ZNF804B: variants seen among roughly 807,000 people sequenced by gnomAD.
The protein encoded by ZNF804B is zinc finger protein 804B, also known as zinc finger 804B.
ZNF804B carries 80 observed loss-of-function variants against 101.4 expected under a neutral mutation model. The observed-to-expected ratio is 0.79, with a 90% CI of 0.66 to 0.95. The LOEUF is 0.95. ZNF804B is among the 40% of genes least tolerant of loss of function. The pLI is 0.00. For missense variants in ZNF804B, 1,673 were observed against 1,561.9 expected, an observed-to-expected ratio of 1.07 and a Z score of -1.20; for synonymous variants, 622 against 558.8, an observed-to-expected ratio of 1.11 and a Z score of -1.59.
intron 1 of ZNF804B, among the ~76,000 whole-genome samples, chr7:88,962,459 A>G (rs1793398977): frequency 6.6e-6 from 1 of 150,934 alleles, no homozygotes; most frequent in Admixed American, 6.6e-5. Context: ...GTATTGCTCC[A>G]TCTTAGGTCA....
chr7:89,160,015 G>T (rs2116418328), intron 1 of ZNF804B, among the ~76,000 whole-genome samples: 1 of 152,238 alleles, frequency 6.6e-6, no homozygotes, highest in South Asian at 2.1e-4. Context: ...ATGATGGAAT[G>T]ATGTTGCAGC....
chr7:88,886,332 A>G (rs1480669919), intron 1 of ZNF804B, among the ~76,000 whole-genome samples: 1 of 152,092 alleles, frequency 6.6e-6, no homozygotes, highest in Non-Finnish European at 1.5e-5. Context: ...GGAGAGGAGC[A>G]GAAAAGATAA....
chr7:89,177,744 T>C (rs1252640150), intron 1 of ZNF804B, among the ~76,000 whole-genome samples: 1 of 152,128 alleles, frequency 6.6e-6, no homozygotes, highest in African/African-American at 2.4e-5. Flanking sequence ...GTCTCTCTCT[T>C]TGGCTCTAAT....
At chr7:89,255,692 A>G (rs1302884257) in intron 2 of ZNF804B, among the ~76,000 whole-genome samples, 2 of 152,182 alleles carry the variant, frequency 1.3e-5, no homozygotes, top group Non-Finnish European at 2.9e-5. Flanking sequence ...ATTTTTTAAT[A>G]AAATCATAAA....
chr7:89,056,516 T>C (rs2116274468), intron 1 of ZNF804B, among the ~76,000 whole-genome samples: 1 of 152,272 alleles, frequency 6.6e-6, no homozygotes, highest in South Asian at 2.1e-4. Flanking sequence ...TAAAATTGAA[T>C]ACAGCAAAGA....
chr7:88,830,477 A>C (rs950247036), intron 1 of ZNF804B, among the ~76,000 whole-genome samples: 4 of 152,040 alleles, frequency 2.6e-5, no homozygotes, highest in African/African-American at 4.8e-5. Flanking sequence ...TCCTATATTC[A>C]TGCATTTTTA....
At chr7:89,034,330 G>A (rs1458179860) in intron 1 of ZNF804B, among the ~76,000 whole-genome samples, 1 of 151,920 alleles carries the variant, frequency 6.6e-6, no homozygotes, top group East Asian at 1.9e-4. Context: ...TTGTTACATA[G>A]GTATACATGT....
intron 1 of ZNF804B, among the ~76,000 whole-genome samples, chr7:88,863,697 T>G (rs1346273216): frequency 6.6e-6 from 1 of 152,214 alleles, no homozygotes; most frequent in Non-Finnish European, 1.5e-5. Flanking sequence ...AGTAAGGCTT[T>G]CTAAGGAAGT....
At chr7:89,244,133 A>C (rs1308397046) in intron 2 of ZNF804B, among the ~76,000 whole-genome samples, 1 of 152,012 alleles carries the variant, frequency 6.6e-6, no homozygotes, top group Non-Finnish European at 1.5e-5. Context: ...TTATGTAGAT[A>C]ATGTAAATCT....
chr7:88,873,039 C>A (rs563190360), intron 1 of ZNF804B, among the ~76,000 whole-genome samples: 4 of 151,830 alleles, frequency 2.6e-5, no homozygotes, highest in African/African-American at 4.8e-5. Context: ...CCTGAGGAAT[C>A]GCCACACTGA....
chr7:88,821,765 GA>G (rs1790984977), intron 1 of ZNF804B, among the ~76,000 whole-genome samples: 1 of 152,108 alleles, frequency 6.6e-6, no homozygotes, highest in Admixed American at 6.6e-5. Flanking sequence ...GCTAGTTGAG[GA>G]AAGTCAGTTA....
chr7:88,971,222 G>A (rs74630119), intron 1 of ZNF804B, among the ~76,000 whole-genome samples: 3,403 of 151,468 alleles, frequency 0.022, 126 homozygotes, highest in African/African-American at 0.078. Flanking sequence ...TATTTTGACC[G>A]TTTGGTCAAT....
intron 1 of ZNF804B, among the ~76,000 whole-genome samples, chr7:89,212,522 C>G (rs755658374): frequency 6.6e-6 from 1 of 152,112 alleles, no homozygotes; most frequent in Non-Finnish European, 1.5e-5. Flanking sequence ...GCTTAAATAT[C>G]ATCATTCTCC....
At chr7:88,769,176 A>G (rs967865425) in intron 1 of ZNF804B, among the ~76,000 whole-genome samples, 4 of 152,230 alleles carry the variant, frequency 2.6e-5, no homozygotes, top group Admixed American at 2.0e-4. Context: ...AATGATTTCA[A>G]TAGAAAATAA....
At chr7:89,162,918 G>C (rs1791089356) in intron 1 of ZNF804B, among the ~76,000 whole-genome samples, 1 of 130,538 alleles carries the variant, frequency 7.7e-6, no homozygotes, top group African/African-American at 2.8e-5. Flanking sequence ...GTGAGAATAT[G>C]TGGTGTTCGG....
At chr7:89,148,313 T>C (rs191141042) in intron 1 of ZNF804B, among the ~76,000 whole-genome samples, 13 of 152,250 alleles carry the variant, frequency 8.5e-5, no homozygotes, top group African/African-American at 3.1e-4. Context: ...TAGTGATTAT[T>C]ATTTAATCAT....
chr7:89,038,905 T>G (rs560311254), intron 1 of ZNF804B, among the ~76,000 whole-genome samples: 63 of 152,236 alleles, frequency 4.1e-4, no homozygotes, highest in Non-Finnish European at 7.4e-4. Context: ...TACCATTTAT[T>G]AATGAAACTG....
rs532295118 is a variant in ZNF804B at position 88,995,294 on chromosome 7, T to A, written c.109-222861T>A. Among the ~76,000 whole-genome samples the A allele has an allele frequency of 1.0e-3, 152 of 152,144 alleles. No homozygotes were observed. In the South Asian group the frequency reaches 0.011, roughly 11 times the overall value. On this transcript the variant is annotated intron_variant, in intron 1 of 3. Coordinates refer to ENST00000333190, the MANE Select transcript of ZNF804B (RefSeq NM_181646.5). ...TATCAGAAAACCAAAAACGTGTAAG[T>A]AGCTATGAAACTTAAGTGATAAACA...
intron 2 of ZNF804B, among the ~76,000 whole-genome samples, chr7:89,324,889 T>A (rs1790876147): frequency 1.3e-5 from 2 of 151,962 alleles, no homozygotes; most frequent in Non-Finnish European, 2.9e-5. Flanking sequence ...GCTAGTTATG[T>A]GGAGTCAGTT....
Sources: gnomAD v4.1 joint callset for allele counts (sites outside exome capture counted in the v4.1 genomes callset) on GRCh38, gnomAD v4.1.1 for gene constraint, MANE v1.5 for transcripts, NCBI Gene and HGNC (gene_info 2026-07-23, HGNC 2026-07-21) for gene names.